The following PROS1 variants were observed in gnomAD, a reference collection of about 807,000 sequenced individuals.
The protein encoded by PROS1 is vitamin K-dependent protein S.
A neutral mutation model predicts 75.9 loss-of-function variants in PROS1; 29 were observed. The observed-to-expected ratio is 0.38, with a 90% CI of 0.28 to 0.52. The LOEUF (loss-of-function observed/expected upper bound fraction) is 0.52. PROS1 is among the 20% of genes least tolerant of loss of function. The probability of loss-of-function intolerance (pLI) is 0.83; values close to 1 mark genes in which losing one functional copy is unlikely to be tolerated. For missense variants in PROS1, 680 were observed against 810.3 expected (o/e 0.84, Z 1.95); for synonymous variants, 245 against 280.6 (o/e 0.87, Z 1.27).
Position 93,906,017 on chromosome 3 carries a change from G to T in PROS1, c.469+4C>A. On this transcript the variant is annotated splice_donor_region_variant and intron_variant, in intron 5 of 14. Transcript: ENST00000394236. Reference sequence around the variant, plus strand: ...AGCTGGGGGGCGGGGGTTATTATACGTACCAAATTCACACTTTTCTCCTTG... The same window carrying T: ...AGCTGGGGGGCGGGGGTTATTATACTTACCAAATTCACACTTTTCTCCTTG... 6.2e-7 allele frequency: 1 copy of T among 1,613,988 alleles called. No homozygotes were observed. Among genetic ancestry groups the T allele is most frequent in the Non-Finnish European group, 8.5e-7 (1 of 1,179,976 alleles).
At chr3:93,939,097 A>G (rs1709236060) in intron 1 of PROS1, among the ~76,000 whole-genome samples, 1 of 151,972 alleles carries the variant, frequency 6.6e-6, no homozygotes, top group Non-Finnish European at 1.5e-5. Context: ...CTGATCTAAA[A>G]CCTAAACACC....
chr3:93,905,331 C>T (rs1394605515), intron 6 of PROS1, among the ~76,000 whole-genome samples: 4 of 152,084 alleles, frequency 2.6e-5, no homozygotes, highest in African/African-American at 9.7e-5. Context: ...AAAATGCAGG[C>T]CAGGCAGAGA....
intron 1 of PROS1, among the ~76,000 whole-genome samples, chr3:93,958,129 G>A (rs1441033559): frequency 9.9e-5 from 15 of 151,698 alleles, no homozygotes; most frequent in Admixed American, 2.0e-4. Context: ...TAAAAATATT[G>A]AATTATCACC....
chr3:93,927,362 C>G lies in PROS1; in HGVS notation c.122G>C (p.Arg41Pro). 2.5e-6 allele frequency: 4 copies of G among 1,614,088 alleles called. No homozygotes were observed. Among genetic ancestry groups the G allele is most frequent in the Non-Finnish European group, 3.4e-6 (4 of 1,180,020 alleles). The change falls in exon 2 of 15, where the codon CGT becomes CCT. Residue 41 changes from arginine (R) to proline (P), a missense_variant. Coordinates refer to ENST00000394236, the MANE Select transcript of PROS1 (RefSeq NM_000313.4). ...GGTTTCTTCAAGTAAAGAATTTGCACGACGCTTCCTAACCAGGACTTGTGA... is the reference window on the plus strand; with the variant it reads ...GGTTTCTTCAAGTAAAGAATTTGCAGGACGCTTCCTAACCAGGACTTGTGA... The part of the protein sequence containing the change: ...QASQVLVRKR[R>P]ANSLLEETKQ...
chr3:93,932,559 T>C (rs183725777), intron 1 of PROS1, among the ~76,000 whole-genome samples: 40 of 152,324 alleles, frequency 2.6e-4, no homozygotes, highest in African/African-American at 9.6e-4. Flanking sequence ...TTAACTTATC[T>C]GAGTCACTCC....
At chr3:93,904,683 C>T (rs1354033054) in intron 6 of PROS1, among the ~76,000 whole-genome samples, 27 of 151,880 alleles carry the variant, frequency 1.8e-4, no homozygotes, top group Middle Eastern at 3.2e-3. Context: ...TATATTGTAT[C>T]CAGTTTCTAA....
chr3:93,894,456 T>A (rs1465958882), intron 9 of PROS1, among the ~76,000 whole-genome samples: 6 of 152,158 alleles, frequency 3.9e-5, no homozygotes, highest in Admixed American at 3.9e-4. Flanking sequence ...TGAAGCAATA[T>A]TATCTTGCCA....
At chr3:93,960,173 T>C (rs1164369101) in intron 1 of PROS1, among the ~76,000 whole-genome samples, 1 of 151,522 alleles carries the variant, frequency 6.6e-6, no homozygotes, top group East Asian at 1.9e-4. Context: ...AGTGCGTTTG[T>C]CACTTTTTTT....
intron 9 of PROS1, among the ~76,000 whole-genome samples, chr3:93,895,792 C>CT (rs1185767434): frequency 6.6e-6 from 1 of 152,068 alleles, no homozygotes; most frequent in Non-Finnish European, 1.5e-5. Context: ...TGGTAAAACT[C>CT]TGTCTCTACT....
intron 1 of PROS1, among the ~76,000 whole-genome samples, chr3:93,933,611 G>A (rs1709139345): frequency 6.6e-6 from 1 of 151,470 alleles, no homozygotes; most frequent in Non-Finnish European, 1.5e-5. Context: ...AAAAAGAATT[G>A]CATATATTAT....
intron 3 of PROS1, among the ~76,000 whole-genome samples, chr3:93,919,177 C>G (rs1172685877): frequency 6.6e-6 from 1 of 152,128 alleles, no homozygotes; most frequent in Non-Finnish European, 1.5e-5. Context: ...ATAACAATTT[C>G]TTTGGAATAG....
At chr3:93,953,110 C>T (rs1199714679) in intron 1 of PROS1, among the ~76,000 whole-genome samples, 1 of 152,082 alleles carries the variant, frequency 6.6e-6, no homozygotes, top group Non-Finnish European at 1.5e-5. Context: ...CAAAAAAAGA[C>T]CAGAACCAGA....
intron 1 of PROS1, among the ~76,000 whole-genome samples, chr3:93,939,292 C>G (rs1195883913): frequency 6.6e-6 from 1 of 152,090 alleles, no homozygotes; most frequent in African/African-American, 2.4e-5. Flanking sequence ...TCCCTAGTCT[C>G]TGTTCCTAAT....
At chr3:93,878,742 CATT>C (rs1331795365) in intron 13 of PROS1, among the ~76,000 whole-genome samples, 4 of 152,132 alleles carry the variant, frequency 2.6e-5, no homozygotes, top group African/African-American at 9.7e-5. Context: ...AAGAACAAAA[CATT>C]ATAATTAAGC....
rs184746624 is a variant in PROS1, at chr3:93,946,379, G to A, written c.77-18972C>T. Among the ~76,000 whole-genome samples the A allele has an allele frequency of 3.9e-5, 6 of 152,244 alleles. No individual in the cohort carries two copies. In the East Asian group the frequency reaches 1.2e-3, roughly 29 times the overall value. On this transcript the variant is annotated intron_variant, in intron 1 of 14. Transcript: ENST00000394236. ...CCTAAGACAAAAGAACAAAGCTAGA[G>A]GCATCATGCTACATGACTTCAAACT...
intron 13 of PROS1, among the ~76,000 whole-genome samples, chr3:93,878,027 A>G (rs1195176061): frequency 1.3e-5 from 2 of 152,222 alleles, no homozygotes; most frequent in Non-Finnish European, 2.9e-5. Context: ...AAAATGATCA[A>G]TGATATCTGG....
chr3:93,973,534 C>G (rs969374906), intron 1 of PROS1, 140 bp downstream of exon 1: 1 of 845,326 alleles, frequency 1.2e-6, no homozygotes, highest in Non-Finnish European at 2.0e-6. Flanking sequence ...ACGGCTGTTT[C>G]CATCCGCTGG....
intron 1 of PROS1, among the ~76,000 whole-genome samples, chr3:93,947,255 CAG>C (rs1392157663): frequency 6.6e-6 from 1 of 152,184 alleles, no homozygotes; most frequent in African/African-American, 2.4e-5. Flanking sequence ...TTGTGGAAGA[CAG>C]TGTGGCAATT....
intron 9 of PROS1, 21 bp from the exon 10 acceptor site, chr3:93,893,143 G>A: frequency 1.9e-6 from 3 of 1,589,868 alleles, no homozygotes; most frequent in Non-Finnish European, 2.6e-6. Flanking sequence ...GACAAAGAGA[G>A]ATCCTTAAGA....
Sources: allele counts gnomAD v4.1 joint callset (sites outside exome capture counted in the v4.1 genomes callset), GRCh38; gene constraint gnomAD v4.1.1; transcripts MANE v1.5; gene names NCBI Gene and HGNC (gene_info 2026-07-23, HGNC 2026-07-21).